The following ZNF410 variants were observed in gnomAD, a reference collection of about 807,000 sequenced individuals.
ZNF410 encodes the protein zinc finger protein 410, also known as another partner for ARF 1.
ZNF410 carries 18 observed loss-of-function variants against 54.8 expected under a neutral mutation model. The ratio of observed to expected loss-of-function variants is 0.33; its 90% CI spans 0.23 to 0.49. The LOEUF (loss-of-function observed/expected upper bound fraction) is 0.49. Ranked by LOEUF, ZNF410 falls within the 20% of genes least tolerant of loss-of-function variation. The probability of loss-of-function intolerance (pLI) is 0.99; values close to 1 mark genes in which losing one functional copy is unlikely to be tolerated. For synonymous variants in ZNF410, 191 were observed against 207.3 expected, an observed-to-expected ratio of 0.92 and a Z score of 0.68; for missense variants, 405 against 569.6, an observed-to-expected ratio of 0.71 and a Z score of 2.94.
rs757181168 is a variant in ZNF410, at chr14:73,931,571, T to G, written c.*30T>G. Reference sequence around the variant, plus strand: ...GGGTGCTGACTCCTGGAAGAGCAACTCTATCTGATCTCAAAATGCGTATAC... The same window carrying G: ...GGGTGCTGACTCCTGGAAGAGCAACGCTATCTGATCTCAAAATGCGTATAC... On this transcript the variant is annotated 3_prime_UTR_variant, in exon 12 of 12. Coordinates refer to ENST00000555044, the MANE Select transcript of ZNF410 (RefSeq NM_021188.3). 5 of 1,605,602 alleles carry G rather than the reference T, an allele frequency of 3.1e-6. No homozygotes were observed. Among genetic ancestry groups the G allele is most frequent in the Non-Finnish European group, 8.5e-7 (1 of 1,174,640 alleles).
chr14:73,890,141 TAGAA>T (rs909028479), intron 1 of ZNF410, among the ~76,000 whole-genome samples: 3 of 150,740 alleles, frequency 2.0e-5, no homozygotes, highest in East Asian at 2.0e-4. Flanking sequence ...TCAGGTAGCT[TAGAA>T]AGAGAGAGGG....
At chr14:73,910,818 C>A (rs564081880) in intron 8 of ZNF410, among the ~76,000 whole-genome samples, 1 of 137,902 alleles carries the variant, frequency 7.3e-6, no homozygotes. Flanking sequence ...GTTGTGATTG[C>A]GCCACTGCAC....
At chr14:73,896,703 CTAG>C (rs1428469532) in intron 4 of ZNF410, 169 bp downstream of exon 4, 1 of 608,140 alleles carries the variant, frequency 1.6e-6, no homozygotes, top group Non-Finnish European at 2.9e-6. Context: ...AGGGAGGACT[CTAG>C]TATGACTCAT....
Position 73,931,637 on chromosome 14 carries a change from A to C in ZNF410, c.*96A>C. ...TTAGCCCACAACAGAACCAGAATGA[A>C]TCTTTGAAGGCACAAGACTCTGCTT... On this transcript the variant is annotated 3_prime_UTR_variant, in exon 12 of 12. Transcript: ENST00000555044. 8.7e-7 allele frequency: 1 copy of C among 1,151,344 alleles called. No individual in the cohort carries two copies. The highest frequency in any genetic ancestry group is 2.0e-5 in the Admixed American group (1 of 49,518). The allele number at this position is 1,151,344 out of a possible 1,614,324, so 71.3% of individuals were successfully genotyped here.
intron 3 of ZNF410, among the ~76,000 whole-genome samples, chr14:73,895,802 G>T (rs1413119249): frequency 2.6e-5 from 4 of 152,110 alleles, no homozygotes; most frequent in African/African-American, 9.7e-5. Flanking sequence ...TACTAAAAAT[G>T]CAAAAGTTAA....
chr14:73,925,375 A>C (rs2055813985), intron 11 of ZNF410, among the ~76,000 whole-genome samples: 1 of 151,598 alleles, frequency 6.6e-6, no homozygotes, highest in Non-Finnish European at 1.5e-5. Context: ...TGATAAACCC[A>C]CGTCGAAGTC....
chr14:73,907,388 A>G (rs958816562), intron 7 of ZNF410, among the ~76,000 whole-genome samples: 1 of 152,124 alleles, frequency 6.6e-6, no homozygotes, highest in African/African-American at 2.4e-5. Context: ...ACTTGAGGGC[A>G]AGAGTTCGAG....
Position 73,891,197 on chromosome 14 carries a change from C to CACGGTAT in ZNF410, c.-149-828_-149-822dup, listed in dbSNP as rs577630721. 6.2e-3 allele frequency among the ~76,000 whole-genome samples: 949 copies of CACGGTAT among 152,168 alleles called. 8 individuals are homozygous for CACGGTAT. Among genetic ancestry groups the CACGGTAT allele is most frequent in the South Asian group, 0.011 (53 of 4,824 alleles). ...AAAATTAAGTCACACCAGCCTACCA[C>CACGGTAT]ACGGTATAGCTACGGTCATAGCTGT... is the stretch of plus-strand genomic sequence containing the variant. On this transcript the variant is annotated intron_variant, in intron 1 of 11. Transcript: ENST00000555044.
At chr14:73,912,458 C>A (rs1391047619) in intron 8 of ZNF410, among the ~76,000 whole-genome samples, 1 of 152,190 alleles carries the variant, frequency 6.6e-6, no homozygotes, top group Non-Finnish European at 1.5e-5. Flanking sequence ...CGTGCCACCA[C>A]ACCCAGCCAA....
chr14:73,893,511 G>A (rs1595384918), intron 2 of ZNF410: 2 of 274,694 alleles, frequency 7.3e-6, no homozygotes, highest in Non-Finnish European at 6.8e-6. Context: ...ATATCTAAAC[G>A]TGGAAAAAGT....
intron 11 of ZNF410, among the ~76,000 whole-genome samples, chr14:73,928,942 A>G (rs765041636): frequency 1.8e-4 from 27 of 152,162 alleles, no homozygotes; most frequent in Non-Finnish European, 3.5e-4. Flanking sequence ...TCCTATCCCA[A>G]AAATCAAACA....
At chr14:73,909,678 ATTTG>A (rs1266036450) in intron 8 of ZNF410, 15 of 382,080 alleles carry the variant, frequency 3.9e-5, no homozygotes, top group South Asian at 1.2e-4. Flanking sequence ...AGATCAGCAA[ATTTG>A]TTTGGCACTC....
rs190028623 is a variant in ZNF410 at position 73,900,587 on chromosome 14, C to A, written c.580+2325C>A. Among the ~76,000 whole-genome samples, 12 of 152,206 alleles carry A rather than the reference C, an allele frequency of 7.9e-5. No individual in the cohort carries two copies. In the East Asian group the frequency reaches 2.3e-3, roughly 29 times the overall value. On this transcript the variant is annotated intron_variant, in intron 5 of 11. Coordinates refer to ENST00000555044, the MANE Select transcript of ZNF410 (RefSeq NM_021188.3). ...CAGGGTTTCACCGTGTTGGCCATGG[C>A]TGGTCTCAAACTCCTGACCCAAGGT...
chr14:73,896,594 A>G (rs760336947), intron 4 of ZNF410, 60 bp downstream of exon 4: 14 of 1,313,826 alleles, frequency 1.1e-5, no homozygotes, highest in Middle Eastern at 2.3e-4. Flanking sequence ...GGGGTGGGGC[A>G]TATTTAACTT....
chr14:73,909,839 C>G (rs921485560), intron 8 of ZNF410, among the ~76,000 whole-genome samples: 12 of 152,180 alleles, frequency 7.9e-5, no homozygotes, highest in African/African-American at 2.2e-4. Context: ...GCCTTCTGAG[C>G]AGGTGTTAGT....
rs1213330704 is a variant in ZNF410 at position 73,904,031 on chromosome 14, A to C, written c.652A>C (p.Lys218Gln). Residue 218 changes from lysine (K) to glutamine (Q), a missense_variant, in exon 6 of 12, where the codon AAG (lysine) becomes CAG (glutamine). Around this residue, in one of 3 missense-constraint regions of ZNF410, gnomAD observed 247 missense variants for 342.8 expected, o/e 0.72. Coordinates refer to ENST00000555044, the MANE Select transcript of ZNF410 (RefSeq NM_021188.3). ...DSGPLPQVEK[K>Q]LKCTVEGCDR... ...TGGGCCCCTTCCTCAAGTGGAAAAG[A>C]AGCTCAAGTGTACAGTTGAAGGTTG... The C allele has an allele frequency of 5.0e-6, 8 of 1,614,228 alleles. No homozygotes were observed. The highest frequency in any genetic ancestry group is 6.8e-6 in the Non-Finnish European group (8 of 1,180,040).
intron 11 of ZNF410, chr14:73,924,808 C>G (rs1371038205): frequency 2.7e-6 from 1 of 374,436 alleles, no homozygotes; most frequent in Non-Finnish European, 5.1e-6. Flanking sequence ...TCCTGAGTAG[C>G]TGCTACTACA....
At chr14:73,903,307 G>A (rs1361119523) in intron 5 of ZNF410, among the ~76,000 whole-genome samples, 1 of 152,124 alleles carries the variant, frequency 6.6e-6, no homozygotes, top group East Asian at 1.9e-4. Context: ...TGCTATCCCT[G>A]CTTCTCCACC....
chr14:73,898,286 T>C, intron 5 of ZNF410, 24 bp downstream of exon 5: 1 of 1,613,152 alleles, frequency 6.2e-7, no homozygotes, highest in Non-Finnish European at 8.5e-7. Flanking sequence ...GCATTTTCCT[T>C]GCCACTATTC....
Sources: allele counts gnomAD v4.1 joint callset (sites outside exome capture counted in the v4.1 genomes callset), GRCh38; gene constraint gnomAD v4.1.1; regional missense constraint gnomAD v4.1.1; transcripts MANE v1.5; gene names NCBI Gene and HGNC (gene_info 2026-07-23, HGNC 2026-07-21).